MBD1: variants seen among roughly 807,000 people sequenced by gnomAD.
The protein encoded by MBD1 is methyl-CpG-binding domain protein 1.
In MBD1, 25 loss-of-function variants were observed where a neutral mutation model predicts 82.6. The observed-to-expected ratio is 0.30, with a 90% CI of 0.22 to 0.42. MBD1 has a LOEUF of 0.42. Ranked by LOEUF, MBD1 falls within the 10% of genes least tolerant of loss-of-function variation. MBD1 has a pLI of 1.00. For missense variants in MBD1, 627 were observed against 819.6 expected (o/e 0.76, Z 2.87); for synonymous variants, 301 against 303.7 (o/e 0.99, Z 0.09).
intron 1 of MBD1, chr18:50,281,048 C>T (rs1329256079): frequency 1.0e-6 from 1 of 998,430 alleles, no homozygotes; most frequent in South Asian, 1.4e-5. Context: ...ATTTCTCCCT[C>T]TCAGAGTTCT....
intron 15 of MBD1, 69 bp downstream of exon 15, chr18:50,272,608 T>G: frequency 6.4e-7 from 1 of 1,573,416 alleles, no homozygotes; most frequent in Non-Finnish European, 8.7e-7. Flanking sequence ...CCGGCTATAC[T>G]TTCAAAACTC....
chr18:50,269,694 G>A lies in MBD1; in HGVS notation c.*157C>T. 2.6e-6 allele frequency: 2 copies of A among 779,180 alleles called. No individual in the cohort carries two copies. Among genetic ancestry groups the A allele is most frequent in the Non-Finnish European group, 4.8e-6 (2 of 417,250 alleles). 48.3% of individuals were successfully genotyped at this position (779,180 alleles called of 1,614,324 possible). ...ACCCACATCATCGAAGCTGGAGGTGGTGAGAGACTGACATGGGTTCCAGGC... is the reference window on the plus strand; with the variant it reads ...ACCCACATCATCGAAGCTGGAGGTGATGAGAGACTGACATGGGTTCCAGGC... On this transcript the variant is annotated 3_prime_UTR_variant, in exon 17 of 17. Coordinates refer to ENST00000269468, the MANE Select transcript of MBD1 (RefSeq NM_015846.4).
chr18:50,271,574 G>A (rs373158380), intron 15 of MBD1, 34 bp from the exon 16 acceptor site: 257 of 1,613,814 alleles, frequency 1.6e-4, no homozygotes, highest in Non-Finnish European at 2.1e-4. Flanking sequence ...TATGTTGAAT[G>A]AGGTTTGCTA....
At chr18:50,272,655 C>T (rs373920980) in intron 15 of MBD1, 22 bp downstream of exon 15, 1 of 1,614,026 alleles carries the variant, frequency 6.2e-7, no homozygotes, top group Non-Finnish European at 8.5e-7. Context: ...TCCTTCCCCA[C>T]CCCTCACTGT....
At chr18:50,272,434 G>C (rs2146051791) in intron 15 of MBD1, 1 of 562,308 alleles carries the variant, frequency 1.8e-6, no homozygotes, top group African/African-American at 1.9e-5. Flanking sequence ...TCTCATGATA[G>C]AGTACCAAGT....
At chr18:50,272,989 G>T in intron 13 of MBD1, 34 bp from the exon 14 acceptor site, 1 of 1,613,690 alleles carries the variant, frequency 6.2e-7, no homozygotes, top group South Asian at 1.1e-5. Flanking sequence ...ACCATTAGAA[G>T]GGCAGAGTTC....
At chr18:50,270,036 T>C (rs1305216544) in intron 16 of MBD1, 5 of 1,597,990 alleles carry the variant, frequency 3.1e-6, no homozygotes, top group Non-Finnish European at 4.2e-6. Context: ...ATAAATTTCA[T>C]ATAGATCATT....
downstream of MBD1, among the ~76,000 whole-genome samples, chr18:50,268,676 C>CTCAGCCT (rs2034315088): frequency 6.6e-6 from 1 of 152,222 alleles, no homozygotes; most frequent in Non-Finnish European, 1.5e-5. Context: ...CACCAAGAGC[C>CTCAGCCT]TCAGCCTTCA....
chr18:50,273,930 T>C (rs555039346), intron 11 of MBD1, 67 bp from the exon 12 acceptor site: 20 of 1,572,820 alleles, frequency 1.3e-5, no homozygotes, highest in African/African-American at 4.0e-5. Flanking sequence ...CCTGCCCGGC[T>C]CCACATGCCT....
chr18:50,277,061 C>T (rs2038221784), intron 3 of MBD1, 29 bp downstream of exon 3: 7 of 1,613,232 alleles, frequency 4.3e-6, no homozygotes, highest in Non-Finnish European at 5.9e-6. Context: ...ACATCCACCC[C>T]TACCTAGGTA....
rs769503747 is a variant in MBD1 at position 50,272,826 on chromosome 18, C to T, written c.1714G>A (p.Val572Met). The T allele has an allele frequency of 5.6e-6, 9 of 1,614,214 alleles. No homozygotes were observed. Among genetic ancestry groups the T allele is most frequent in the Admixed American group, 1.7e-5 (1 of 60,034 alleles). ...GGTGGGGCATCCCCAGCACTGACCA[C>T]GGGTGTGCCAGCCCCTCCTGCCTCT... Reference protein sequence around the residue: ...EEEAGGAGTPVITEIFSLGGT... With the variant: ...EEEAGGAGTPMITEIFSLGGT... Residue 572 changes from valine (V) to methionine (M), a missense_variant and splice_region_variant, in exon 14 of 17, where the codon GTG becomes ATG. Transcript: ENST00000269468.
chr18:50,269,949 G>C (rs1226783015), intron 16 of MBD1, 131 bp from the exon 17 acceptor site: 1 of 1,437,932 alleles, frequency 7.0e-7, no homozygotes, highest in Non-Finnish European at 9.7e-7. Flanking sequence ...CTTTATCTTA[G>C]TGGTTCTGCT....
Position 50,273,475 on chromosome 18 carries a change from CGT to C in MBD1, c.1447-6_1447-5del. 4 of 1,614,124 alleles carry C rather than the reference CGT, an allele frequency of 2.5e-6. No individual in the cohort carries two copies. The highest frequency in any genetic ancestry group is 3.4e-6 in the Non-Finnish European group (4 of 1,180,028). On this transcript the variant is annotated splice_region_variant and splice_polypyrimidine_tract_variant and intron_variant, in intron 12 of 16. Transcript: ENST00000269468. ...TCAGGCCAGAGCACTGGGCCTCCTG[CGT>C]GAGGGAGGATTGCAGCAGACTTGGT...
chr18:50,272,705 A>C lies in MBD1; in HGVS notation c.1750T>G (p.Phe584Val). Residue 584 changes from phenylalanine to valine, a missense_variant, in exon 15 of 17, where the codon TTC (phenylalanine) becomes GTC (valine). Phe to Val is a conservative substitution (Grantham distance 50). This residue lies in a region of MBD1 where 265 missense variants were observed against 278.4 expected (regional missense o/e 0.95). Transcript: ENST00000269468. ...GGCAACCAGACTGCTGTATCTCGGA[A>C]GCGGGTTCCACCCAGGCTGAAAATC... ...TEIFSLGGTR[F>V]RDTAVWLPRS... 6.2e-7 allele frequency: 1 copy of C among 1,614,166 alleles called. No individual in the cohort carries two copies. The highest frequency in any genetic ancestry group is 1.3e-5 in the African/African-American group (1 of 75,052).
chr18:50,267,142 G>A (rs574750791), downstream of MBD1: 11 of 164,134 alleles, frequency 6.7e-5, no homozygotes, highest in South Asian at 1.4e-4. Flanking sequence ...GCTCAGGCTG[G>A]AACTCCTGCT....
Position 50,281,477 on chromosome 18 carries a change from C to T in MBD1, c.-140G>A. 1.7e-6 allele frequency: 1 copy of T among 594,560 alleles called. No individual in the cohort carries two copies. The highest frequency in any genetic ancestry group is 2.0e-5 in the South Asian group (1 of 50,144). The allele number at this position is 594,560 out of a possible 1,614,324, so 36.8% of individuals were successfully genotyped here. On this transcript the variant is annotated 5_prime_UTR_variant, in exon 1 of 17. Transcript: ENST00000269468. ...CCCCTTCCTCCTCCTCCGCGGCCGC[C>T]TCCTCTGAAGCGGTAGCTGTCGCCT...
chr18:50,275,204 C>T lies in MBD1; in HGVS notation c.834G>A (p.Met278Ile). The change falls in exon 9 of 17, where the codon ATG (methionine) becomes ATA (isoleucine). Residue 278 changes from methionine to isoleucine, a missense_variant. Physicochemically the swap from Met to Ile is conservative, Grantham distance 10. Around this residue, in one of 6 missense-constraint regions of MBD1, gnomAD observed 228 missense variants for 318.1 expected, o/e 0.72. Coordinates refer to ENST00000269468, the MANE Select transcript of MBD1 (RefSeq NM_015846.4). ...ARRKGGCDSK[M>I]AARRRPGAQP... ...GGGCTCCGGGGCGCCGCCTGGCAGCCATCTTGGAGTCACAGCCTCCCTTGC... is the reference window on the plus strand; with the variant it reads ...GGGCTCCGGGGCGCCGCCTGGCAGCTATCTTGGAGTCACAGCCTCCCTTGC... 1.9e-6 allele frequency: 3 copies of T among 1,614,160 alleles called. No individual in the cohort carries two copies. The highest frequency in any genetic ancestry group is 2.5e-6 in the Non-Finnish European group (3 of 1,180,018).
rs946436491 is a variant in MBD1 at position 50,281,403 on chromosome 18, C to G, written c.-66G>C. 9 of 646,306 alleles carry G rather than the reference C, an allele frequency of 1.4e-5. No homozygotes were observed. The highest frequency in any genetic ancestry group is 1.3e-4 in the African/African-American group (7 of 55,530). 40.0% of individuals were successfully genotyped at this position (646,306 alleles called of 1,614,324 possible). A position where few individuals can be genotyped will look rare whatever the true frequency, so the allele number is the denominator to read the frequency against. ...CCGGTATCTTCCGCCACTCTAGGCC[C>G]GTGGACCCATGGCGAGGGTCCCTCC... On this transcript the variant is annotated 5_prime_UTR_variant, in exon 1 of 17. Transcript: ENST00000269468.
intron 12 of MBD1, 33 bp downstream of exon 12, chr18:50,273,531 G>A (rs561253358): frequency 1.1e-5 from 17 of 1,613,396 alleles, no homozygotes; most frequent in Non-Finnish European, 1.4e-5. Flanking sequence ...AGCTGGGTGA[G>A]GCTGGGAAGG....
Sources: gnomAD v4.1 joint callset for allele counts (sites outside exome capture counted in the v4.1 genomes callset) on GRCh38, gnomAD v4.1.1 for gene constraint, gnomAD v4.1.1 regional missense constraint, MANE v1.5 for transcripts, NCBI Gene and HGNC (gene_info 2026-07-23, HGNC 2026-07-21) for gene names.